Variants in MTHFD1L observed in about 807,000 individuals in gnomAD.
The protein encoded by MTHFD1L is monofunctional C1-tetrahydrofolate synthase, mitochondrial.
Under a neutral mutation model 119.5 loss-of-function variants are expected in MTHFD1L, and 81 were observed. The observed-to-expected ratio is 0.68, with a 90% CI of 0.57 to 0.82. MTHFD1L has a LOEUF of 0.82. Among genes scored for constraint, MTHFD1L ranks in the 40% least tolerant of loss-of-function variants. The pLI is 0.00. For synonymous variants in MTHFD1L, 430 were observed against 475.2 expected (o/e 0.90, Z 1.24); for missense variants, 1,125 against 1,253.4 (o/e 0.90, Z 1.55).
At chr6:150,950,702 C>T (rs1246269399) in intron 16 of MTHFD1L, among the ~76,000 whole-genome samples, 1 of 152,150 alleles carries the variant, frequency 6.6e-6, no homozygotes, top group Admixed American at 6.5e-5. Flanking sequence ...GTCTCACTTG[C>T]CCTGTCACCT....
At chr6:150,960,226 A>G (rs750360732) in intron 17 of MTHFD1L, 49 bp from the exon 18 acceptor site, 4 of 1,555,608 alleles carry the variant, frequency 2.6e-6, no homozygotes, top group Non-Finnish European at 3.5e-6. Flanking sequence ...GGGAATGGCC[A>G]TCCCACTGGC....
intron 24 of MTHFD1L, among the ~76,000 whole-genome samples, chr6:151,018,952 G>A (rs1299780439): frequency 1.3e-5 from 2 of 152,224 alleles, no homozygotes; most frequent in Non-Finnish European, 2.9e-5. Flanking sequence ...GATTTTGGAT[G>A]AGTGAAAAGA....
At chr6:151,008,711 C>T (rs1193978333) in intron 20 of MTHFD1L, among the ~76,000 whole-genome samples, 1 of 152,194 alleles carries the variant, frequency 6.6e-6, no homozygotes, top group Non-Finnish European at 1.5e-5. Flanking sequence ...AATAAAGCTG[C>T]TGTCTTGTAT....
intron 7 of MTHFD1L, among the ~76,000 whole-genome samples, chr6:150,903,053 AT>A: frequency 6.6e-6 from 1 of 152,080 alleles, no homozygotes; most frequent in East Asian, 1.9e-4. Context: ...AAGAAATAAA[AT>A]TTTTTATACA....
intron 8 of MTHFD1L, among the ~76,000 whole-genome samples, chr6:150,912,458 G>T (rs1272741154): frequency 1.3e-5 from 2 of 152,102 alleles, no homozygotes; most frequent in Non-Finnish European, 2.9e-5. Context: ...TAAGAAGGAT[G>T]CCCTTGGCCA....
At chr6:150,947,696 A>G (rs1348897935) in intron 15 of MTHFD1L, among the ~76,000 whole-genome samples, 1 of 80,106 alleles carries the variant, frequency 1.2e-5, no homozygotes, top group Non-Finnish European at 3.4e-5. Flanking sequence ...TTGTATTTGA[A>G]AAACTAAAGA....
At chr6:151,009,483 G>A (rs1414647275) in intron 20 of MTHFD1L, among the ~76,000 whole-genome samples, 9 of 152,068 alleles carry the variant, frequency 5.9e-5, no homozygotes, top group South Asian at 2.1e-4. Context: ...GCAGTGAGCC[G>A]AGATCATGCC....
intron 11 of MTHFD1L, among the ~76,000 whole-genome samples, chr6:150,928,902 T>G (rs189367211): frequency 6.6e-6 from 1 of 152,174 alleles, no homozygotes; most frequent in African/African-American, 2.4e-5. Flanking sequence ...CCCTCAGCAG[T>G]TGGCATTGTA....
chr6:150,919,333 C>T (rs187521329), intron 9 of MTHFD1L, among the ~76,000 whole-genome samples: 3 of 151,946 alleles, frequency 2.0e-5, no homozygotes, highest in South Asian at 2.1e-4. Flanking sequence ...AAGAGATTCT[C>T]ATGCCTCAGC....
intron 19 of MTHFD1L, among the ~76,000 whole-genome samples, chr6:150,965,501 A>C (rs1029500963): frequency 6.6e-6 from 1 of 152,100 alleles, no homozygotes; most frequent in African/African-American, 2.4e-5. Flanking sequence ...TCTACTAAAA[A>C]TACAAAAAAA....
intron 26 of MTHFD1L, chr6:151,054,879 A>T (rs1455390114): frequency 1.3e-5 from 2 of 152,204 alleles, no homozygotes; most frequent in Admixed American, 1.3e-4. Flanking sequence ...GAAAAATGAG[A>T]TTTAGTAGAG....
chr6:150,992,245 C>T (rs905378622), intron 20 of MTHFD1L, among the ~76,000 whole-genome samples: 1 of 152,156 alleles, frequency 6.6e-6, no homozygotes, highest in African/African-American at 2.4e-5. Flanking sequence ...CTGGGTATGT[C>T]CACACTGCTG....
At chr6:150,883,180 G>A (rs1330562232) in intron 5 of MTHFD1L, among the ~76,000 whole-genome samples, 2 of 151,890 alleles carry the variant, frequency 1.3e-5, no homozygotes, top group Non-Finnish European at 2.9e-5. Flanking sequence ...TTACAGGCAT[G>A]CGCTACCATG....
chr6:150,924,461 C>T (rs1306341641), intron 10 of MTHFD1L, among the ~76,000 whole-genome samples: 1 of 150,482 alleles, frequency 6.6e-6, no homozygotes, highest in Non-Finnish European at 1.5e-5. Flanking sequence ...CATGAGCCAC[C>T]ATGCCAGGCC....
intron 16 of MTHFD1L, among the ~76,000 whole-genome samples, chr6:150,953,539 A>G (rs182510708): frequency 3.3e-5 from 5 of 152,290 alleles, no homozygotes; most frequent in Admixed American, 2.0e-4. Context: ...TAGTTCTATC[A>G]TTCAGAGACC....
chr6:150,904,436 G>A (rs1785556043), intron 7 of MTHFD1L, among the ~76,000 whole-genome samples: 1 of 152,148 alleles, frequency 6.6e-6, no homozygotes, highest in South Asian at 2.1e-4. Context: ...GGAGACACAG[G>A]ACATACCGTA....
Position 151,014,915 on chromosome 6 carries a change from C to T in MTHFD1L, c.2343C>T (p.Leu781=), listed in dbSNP as rs747952701. ...IQLVADGCCN[L]QKQIQITQLF... is the part of the protein sequence containing the mutation. ...TGGTGGCAGACGGCTGCTGTAACCT[C>T]CAGAAGCAAATTCAGATCACTCAGC... Residue 781 remains leucine (L), a synonymous_variant, in exon 23 of 28, where the codon CTC becomes CTT. Transcript: ENST00000367321. 1.1e-5 allele frequency: 17 copies of T among 1,613,978 alleles called. No homozygotes were observed. The South Asian group carries it at 1.9e-4, about 18-fold the overall frequency.
Position 151,012,030 on chromosome 6 carries a change from A to C in MTHFD1L, c.2266-1749A>C, listed in dbSNP as rs1256623253. ...AACAACAACAACAACAAAAAAAAAA[A>C]AAAAAAAAAAAAAAAAAAAAACCAG... On this transcript the variant is annotated intron_variant, in intron 21 of 27. Coordinates refer to ENST00000367321, the MANE Select transcript of MTHFD1L (RefSeq NM_015440.5). Among the ~76,000 whole-genome samples the C allele has an allele frequency of 1.8e-3, 246 of 136,570 alleles. 1 individual carries two copies. The highest frequency in any genetic ancestry group is 6.6e-3 in the African/African-American group (227 of 34,448). 89.6% of individuals were successfully genotyped at this position (136,570 alleles called of 152,430 possible).
At position 150,932,185 on chromosome 6, in the gene MTHFD1L, A is replaced by AAAAG. The variant is rs1554253693; in HGVS notation, c.1257-4619_1257-4618insAAAG. ...TCAAAAAAAAAAAAAAAAAAAAAAAAGCATCATTCCATTGTCAACCCTTTT... is the reference window on the plus strand; with the variant it reads ...TCAAAAAAAAAAAAAAAAAAAAAAAAAAAGGCATCATTCCATTGTCAACCCTTTT... On this transcript the variant is annotated intron_variant, in intron 11 of 27. Transcript: ENST00000367321. Among the ~76,000 whole-genome samples the AAAAG allele has an allele frequency of 3.5e-3, 515 of 148,490 alleles. 6 individuals carry two copies. The highest frequency in any genetic ancestry group is 0.013 in the African/African-American group (492 of 39,076).
Sources: allele counts gnomAD v4.1 joint callset (sites outside exome capture counted in the v4.1 genomes callset), GRCh38; gene constraint gnomAD v4.1.1; transcripts MANE v1.5; gene names NCBI Gene and HGNC (gene_info 2026-07-23, HGNC 2026-07-21).